The following LZTS3 variants were observed in gnomAD, a reference collection of about 807,000 sequenced individuals.
LZTS3 encodes leucine zipper tumor suppressor family member 3, also known as leucine zipper putative tumor suppressor 3.
Under a neutral mutation model 50.9 loss-of-function variants are expected in LZTS3, and 16 were observed. The ratio of observed to expected loss-of-function variants is 0.31; its 90% CI spans 0.21 to 0.48. The LOEUF is 0.48. Ranked by LOEUF, LZTS3 falls within the 20% of genes least tolerant of loss-of-function variation. LZTS3 has a pLI of 0.99. For synonymous variants in LZTS3, 408 were observed against 410.6 expected (o/e 0.99, Z 0.08); for missense variants, 816 against 931.0 (o/e 0.88, Z 1.61).
intron 1 of LZTS3, among the ~76,000 whole-genome samples, chr20:3,170,062 G>A (rs949766582): frequency 5.3e-5 from 8 of 152,072 alleles, no homozygotes; most frequent in African/African-American, 1.9e-4. Flanking sequence ...AGATTGGGGG[G>A]ATTCAAGAAT....
chr20:3,167,313 G>A (rs2066844448), intron 2 of LZTS3, 132 bp from the exon 3 acceptor site: 3 of 1,383,410 alleles, frequency 2.2e-6, no homozygotes, highest in East Asian at 5.1e-5. Context: ...AAGTTCCCAG[G>A]CATCCAAGGT....
At position 3,164,467 on chromosome 20, in the gene LZTS3, G is replaced by A; in HGVS notation, c.2009C>T (p.Ser670Phe). Residue 670 changes from serine to phenylalanine, a missense_variant, in exon 5 of 5, where the codon TCC (serine) becomes TTC (phenylalanine). Around this residue, in one of 3 missense-constraint regions of LZTS3, gnomAD observed 107 missense variants for 130.4 expected, o/e 0.82. Coordinates refer to ENST00000337576, the MANE Select transcript of LZTS3 (RefSeq NM_001365618.1). ...TGCCCAGGTCGATCAGATTTCTGTG[G>A]ACTCAATGCGCTCGAGGCGGGAGGG... ...WTPSRLERIE[S>F]TEI The A allele has an allele frequency of 6.5e-7, 1 of 1,540,164 alleles. No homozygotes were observed. Among genetic ancestry groups the A allele is most frequent in the Non-Finnish European group, 8.8e-7 (1 of 1,141,614 alleles).
chr20:3,170,910 A>T (rs1245957095), intron 1 of LZTS3, among the ~76,000 whole-genome samples: 1 of 152,222 alleles, frequency 6.6e-6, no homozygotes, highest in Non-Finnish European at 1.5e-5. Flanking sequence ...ACAGTTATTT[A>T]AGGAGGTTTG....
At position 3,165,542 on chromosome 20, in the gene LZTS3, C is replaced by T. The variant is rs1265028459; in HGVS notation, c.1278G>A (p.Lys426=). 3.8e-6 allele frequency: 6 copies of T among 1,575,768 alleles called. No homozygotes were observed. Among genetic ancestry groups the T allele is most frequent in the Non-Finnish European group, 5.1e-6 (6 of 1,167,802 alleles). Residue 426 remains lysine (K), a synonymous_variant, in exon 4 of 5, where the codon AAG becomes AAA. Transcript: ENST00000337576. The surrounding 1 kb of genome is among the most constrained non-coding windows in gnomAD (Gnocchi z 5.0). ...ELEDKVAACQ[K]EQADFLPRIE... ...TCCGGGGCAGGAAGTCGGCCTGCTC[C>T]TTCTGGCAGGCGGCCACCTTGTCCT... is the stretch of plus-strand genomic sequence containing the variant.
intron 1 of LZTS3, among the ~76,000 whole-genome samples, chr20:3,169,681 C>T (rs144432598): frequency 3.0e-4 from 45 of 151,954 alleles, no homozygotes; most frequent in African/African-American, 1.1e-3. Flanking sequence ...GAGTTCAAGA[C>T]CATCCTGGCC....
intron 1 of LZTS3, among the ~76,000 whole-genome samples, chr20:3,170,308 G>A (rs1368726934): frequency 6.6e-6 from 1 of 151,910 alleles, no homozygotes; most frequent in Non-Finnish European, 1.5e-5. Context: ...TGGCCAACGT[G>A]GTGAAACCCC....
chr20:3,165,433 G>A lies in LZTS3; in HGVS notation c.1323+64C>T. The stretch of plus-strand genomic sequence containing the variant: ...ACCGTTATGATAGTGAGGGGCAACT[G>A]CTCTGGGGTTTCCCAGAGGGACAGA... On this transcript the variant is annotated intron_variant, in intron 4 of 4. Coordinates refer to ENST00000337576, the MANE Select transcript of LZTS3 (RefSeq NM_001365618.1). The surrounding 1 kb of genome is among the most constrained non-coding windows in gnomAD (Gnocchi z 5.0). 1 of 1,327,832 alleles carries A rather than the reference G, an allele frequency of 7.5e-7. No homozygotes were observed. Among genetic ancestry groups the A allele is most frequent in the Non-Finnish European group, 1.0e-6 (1 of 996,408 alleles). 82.3% of individuals were successfully genotyped at this position (1,327,832 alleles called of 1,614,324 possible).
chr20:3,171,443 T>C (rs920010517), intron 1 of LZTS3, among the ~76,000 whole-genome samples: 1 of 152,080 alleles, frequency 6.6e-6, no homozygotes, highest in African/African-American at 2.4e-5. Flanking sequence ...GGTTAACCCC[T>C]TGCAAGCATG....
Position 3,172,291 on chromosome 20 carries a change from A to C in LZTS3, c.-243+1164T>G, listed in dbSNP as rs554330993. On this transcript the variant is annotated intron_variant, in intron 1 of 4. Transcript: ENST00000337576. ...ACTGATTAGGGGTGCAACCTCATGC[A>C]GGTTATTTCACCTCGGGTTCTCACA... 3.9e-5 allele frequency among the ~76,000 whole-genome samples: 6 copies of C among 152,302 alleles called. No individual in the cohort carries two copies. The South Asian group carries it at 1.2e-3, about 32-fold the overall frequency.
Position 3,164,417 on chromosome 20 carries a change from A to T in LZTS3, c.*37T>A. 1 of 1,495,998 alleles carries T rather than the reference A, an allele frequency of 6.7e-7. No individual in the cohort carries two copies. The highest frequency in any genetic ancestry group is 1.4e-5 in the South Asian group (1 of 73,248). The allele number at this position is 1,495,998 out of a possible 1,614,324, so 92.7% of individuals were successfully genotyped here. ...GGACACTGGGGACTCTGGCCTTTTGACAGGACATGTGTCAAAATGCCGAGT... is the reference window on the plus strand; with the variant it reads ...GGACACTGGGGACTCTGGCCTTTTGTCAGGACATGTGTCAAAATGCCGAGT... On this transcript the variant is annotated 3_prime_UTR_variant, in exon 5 of 5. Transcript: ENST00000337576.
Position 3,166,193 on chromosome 20 carries a change from C to G in LZTS3, c.627G>C (p.Ala209=), listed in dbSNP as rs141214534. ...CTGAGAGGCCACTCCCACTCCCACC[C>G]GCTGGAGTCATGGTCCGAGACTTGT... is the stretch of plus-strand genomic sequence containing the variant. ...GLDKSRTMTP[A]GGSGSGLSDS... is the part of the protein sequence containing the mutation. The change falls in exon 4 of 5, where the codon GCG becomes GCC. Residue 209 remains alanine (A), a synonymous_variant. Transcript: ENST00000337576. The G allele has an allele frequency of 1.2e-6, 2 of 1,613,788 alleles. No homozygotes were observed. The highest frequency in any genetic ancestry group is 1.7e-6 in the Non-Finnish European group (2 of 1,179,886).
chr20:3,163,873 T>G lies in LZTS3; in HGVS notation c.*581A>C, dbSNP rs2066765114. 1 of 152,366 alleles carries G rather than the reference T, an allele frequency of 6.6e-6. No individual in the cohort carries two copies. Among genetic ancestry groups the G allele is most frequent in the Admixed American group, 6.5e-5 (1 of 15,276 alleles). The allele number at this position is 152,366 out of a possible 1,614,324, so 9.4% of individuals were successfully genotyped here. On this transcript the variant is annotated 3_prime_UTR_variant, in exon 5 of 5. Transcript: ENST00000337576. This position sits in a 1 kb window ranked among gnomAD's most constrained non-coding sequence, Gnocchi z 5.2. ...TCTGAGGCCTGAGTCCAAGAGATCT[T>G]GTTGGGGGAGGGGCTGGGCAGGTAG...
At chr20:3,166,629 C>A in intron 3 of LZTS3, 76 bp downstream of exon 3, 1 of 1,538,356 alleles carries the variant, frequency 6.5e-7, no homozygotes, top group East Asian at 2.3e-5. Flanking sequence ...CCAAGAAGGC[C>A]CACTTTGCCT....
In LZTS3 at chr20:3,165,176, G is replaced by A. The variant is rs370136309; in HGVS notation, c.1324-24C>T. ...ACCTGGGCAGGAACAGGTGAGAGGA[G>A]AAGCCAGGTAAAGGCAGAGCTCTGC... is the stretch of plus-strand genomic sequence containing the variant. On this transcript the variant is annotated intron_variant, in intron 4 of 4. Transcript: ENST00000337576. The surrounding 1 kb of genome is among the most constrained non-coding windows in gnomAD (Gnocchi z 5.0). 1.3e-6 allele frequency: 2 copies of A among 1,505,772 alleles called. No individual in the cohort carries two copies. The highest frequency in any genetic ancestry group is 2.6e-5 in the South Asian group (2 of 77,546). 93.3% of individuals were successfully genotyped at this position (1,505,772 alleles called of 1,614,324 possible).
Position 3,166,878 on chromosome 20 carries a change from A to G in LZTS3, c.286T>C (p.Ser96Pro). 6.2e-7 allele frequency: 1 copy of G among 1,613,616 alleles called. No homozygotes were observed. Among genetic ancestry groups the G allele is most frequent in the Non-Finnish European group, 8.5e-7 (1 of 1,180,006 alleles). The change falls in exon 3 of 5, where the codon TCC becomes CCC. Residue 96 changes from serine (S) to proline (P), a missense_variant. Transcript: ENST00000337576. ...YPSEDKGLANSLYLNGELRGS... is the reference protein window; with the variant it reads ...YPSEDKGLANPLYLNGELRGS... Reference sequence around the variant, plus strand: ...CGCAGCTCACCATTGAGGTAGAGGGAGTTGGCGAGACCCTTGTCCTCTGAG... The same window carrying G: ...CGCAGCTCACCATTGAGGTAGAGGGGGTTGGCGAGACCCTTGTCCTCTGAG...
rs145596765 is a variant in LZTS3 at position 3,166,432 on chromosome 20, C to T, written c.460-72G>A. ...GCTTGGCCCAGGCTCTTCCCTCTGG[C>T]CAAGACTTGTCCAGCCCCACCTCCC... On this transcript the variant is annotated intron_variant, in intron 3 of 4. Transcript: ENST00000337576. The T allele has an allele frequency of 4.1e-4, 606 of 1,495,622 alleles. 2 individuals are homozygous for T. The African/African-American group carries it at 7.4e-3, about 18-fold the overall frequency. 92.6% of individuals were successfully genotyped at this position (1,495,622 alleles called of 1,614,324 possible).
chr20:3,166,886 A>G lies in LZTS3; in HGVS notation c.278T>C (p.Leu93Pro). 1 of 1,613,550 alleles carries G rather than the reference A, an allele frequency of 6.2e-7. No individual in the cohort carries two copies. The highest frequency in any genetic ancestry group is 8.5e-7 in the Non-Finnish European group (1 of 1,180,012). Reference sequence around the variant, plus strand: ...ACCATTGAGGTAGAGGGAGTTGGCGAGACCCTTGTCCTCTGAGGGGTAGCG... The same window carrying G: ...ACCATTGAGGTAGAGGGAGTTGGCGGGACCCTTGTCCTCTGAGGGGTAGCG... The part of the protein sequence containing the change: ...PGRYPSEDKG[L>P]ANSLYLNGEL... Residue 93 changes from leucine (L) to proline (P), a missense_variant, in exon 3 of 5, where the codon CTC becomes CCC. Leu to Pro is a moderately conservative substitution (Grantham distance 98, BLOSUM62 -3). Coordinates refer to ENST00000337576, the MANE Select transcript of LZTS3 (RefSeq NM_001365618.1).
rs375709232 is a variant in LZTS3, at chr20:3,165,204, A to G, written c.1324-52T>C. ...GCCAGGTAAAGGCAGAGCTCTGCTCACCCCAACCCAGCTACCAGATCTGGA... is the reference window on the plus strand; with the variant it reads ...GCCAGGTAAAGGCAGAGCTCTGCTCGCCCCAACCCAGCTACCAGATCTGGA... On this transcript the variant is annotated intron_variant, in intron 4 of 4. Coordinates refer to ENST00000337576, the MANE Select transcript of LZTS3 (RefSeq NM_001365618.1). This position sits in a 1 kb window ranked among gnomAD's most constrained non-coding sequence, Gnocchi z 5.0. 71 of 1,432,826 alleles carry G rather than the reference A, an allele frequency of 5.0e-5. No individual in the cohort carries two copies. In the African/African-American group the frequency reaches 8.2e-4, roughly 17 times the overall value. The allele number at this position is 1,432,826 out of a possible 1,614,324, so 88.8% of individuals were successfully genotyped here.
intron 3 of LZTS3, 59 bp from the exon 4 acceptor site, chr20:3,166,419 C>T (rs537680418): frequency 2.0e-6 from 3 of 1,519,888 alleles, no homozygotes; most frequent in Admixed American, 2.1e-5. Flanking sequence ...TTGGCCCAGG[C>T]TCTTCCCTCT....
Sources: gnomAD v4.1 joint callset for allele counts (sites outside exome capture counted in the v4.1 genomes callset) on GRCh38, gnomAD v4.1.1 for gene constraint, gnomAD v4.1.1 regional missense constraint, Gnocchi (gnomAD v3.1) non-coding constraint, MANE v1.5 for transcripts, NCBI Gene and HGNC (gene_info 2026-07-23, HGNC 2026-07-21) for gene names.